GABRG3: variants seen among roughly 807,000 people sequenced by gnomAD.
GABRG3 encodes the protein gamma-aminobutyric acid receptor subunit gamma-3.
GABRG3 carries 25 observed loss-of-function variants against 48.8 expected under a neutral mutation model. The observed-to-expected ratio is 0.51, with a 90% CI of 0.37 to 0.72. The LOEUF (loss-of-function observed/expected upper bound fraction) is 0.72. GABRG3 is among the 30% of genes least tolerant of loss of function. The probability of loss-of-function intolerance (pLI) is 0.00; values close to 1 mark genes in which losing one functional copy is unlikely to be tolerated. For missense variants in GABRG3, 394 were observed against 577.9 expected (o/e 0.68, Z 3.26); for synonymous variants, 227 against 217.6 (o/e 1.04, Z -0.38).
rs185447905 is a variant in GABRG3, at chr15:27,313,300, A to G, written c.271-13509A>G. The stretch of plus-strand genomic sequence containing the variant: ...TATATATATATATATATATATATAT[A>G]TATATATATACCCAACATCAGCACA... On this transcript the variant is annotated intron_variant, in intron 3 of 9. Transcript: ENST00000615808. 3.3e-4 allele frequency among the ~76,000 whole-genome samples: 37 copies of G among 113,774 alleles called. 1 individual carries two copies. Among genetic ancestry groups the G allele is most frequent in the Admixed American group, 2.6e-3 (25 of 9,640 alleles). The allele number at this position is 113,774 out of a possible 152,430, so 74.6% of individuals were successfully genotyped here. A position where few individuals can be genotyped will look rare whatever the true frequency, so the allele number is the denominator to read the frequency against.
intron 5 of GABRG3, among the ~76,000 whole-genome samples, chr15:27,350,635 A>C (rs1894532335): frequency 6.6e-6 from 1 of 152,056 alleles, no homozygotes; most frequent in Non-Finnish European, 1.5e-5. Context: ...CCAGCGCATC[A>C]ACACCACCAG....
intron 3 of GABRG3, among the ~76,000 whole-genome samples, chr15:27,204,085 G>A (rs1053799383): frequency 6.6e-6 from 1 of 151,858 alleles, no homozygotes; most frequent in African/African-American, 2.4e-5. Flanking sequence ...ATTTTTGTCG[G>A]AATTGCTTTT....
rs75652196 is a variant in GABRG3, at chr15:27,064,134, A to G, written c.270+37313A>G. ...AACTGGACACGTAGTGGGGTGGCAG[A>G]GAGTGCAGGGTGGAGGTACAGAGGA... On this transcript the variant is annotated intron_variant, in intron 3 of 9. Transcript: ENST00000615808. 6.8e-3 allele frequency among the ~76,000 whole-genome samples: 1,038 copies of G among 152,338 alleles called. 82 individuals are homozygous for G. In the East Asian group the frequency reaches 0.16, roughly 24 times the overall value.
chr15:27,482,208 T>C (rs187727673), intron 6 of GABRG3, among the ~76,000 whole-genome samples: 1 of 152,238 alleles, frequency 6.6e-6, no homozygotes, highest in Non-Finnish European at 1.5e-5. Context: ...TAAAGTCATA[T>C]TTTTAATAAG....
intron 4 of GABRG3, among the ~76,000 whole-genome samples, chr15:27,327,393 T>A (rs1893651609): frequency 6.6e-6 from 1 of 151,568 alleles, no homozygotes; most frequent in Non-Finnish European, 1.5e-5. Context: ...AGGGGCAGAG[T>A]CAGCCCCTTT....
At chr15:27,077,695 C>T (rs1896931665) in intron 3 of GABRG3, among the ~76,000 whole-genome samples, 1 of 152,162 alleles carries the variant, frequency 6.6e-6, no homozygotes, top group Non-Finnish European at 1.5e-5. Context: ...TCTGAGATGG[C>T]AAGTGATTTG....
chr15:27,460,436 C>T (rs1889414693), intron 5 of GABRG3, among the ~76,000 whole-genome samples: 1 of 152,146 alleles, frequency 6.6e-6, no homozygotes, highest in South Asian at 2.1e-4. Context: ...ATTTGCAGGG[C>T]GCCCCGCAAG....
chr15:26,971,382 CGGCCAGCGCCAGAGTAGAT>C lies in GABRG3; in HGVS notation c.-153_-135del. 2.1e-6 allele frequency: 1 copy of C among 466,930 alleles called. No homozygotes were observed. The highest frequency in any genetic ancestry group is 3.4e-6 in the Non-Finnish European group (1 of 293,524). 28.9% of individuals were successfully genotyped at this position (466,930 alleles called of 1,614,324 possible). On this transcript the variant is annotated 5_prime_UTR_variant, in exon 1 of 10. Coordinates refer to ENST00000615808, the MANE Select transcript of GABRG3 (RefSeq NM_033223.5). ...GTCCAGTGTGCGCCCCGCGGGGGCG[CGGCCAGCGCCAGAGTAGAT>C]ACCTGTCCCGCCCGCCGCGGCCAGC...
At chr15:27,067,836 T>C (rs1001116988) in intron 3 of GABRG3, among the ~76,000 whole-genome samples, 6 of 152,184 alleles carry the variant, frequency 3.9e-5, no homozygotes, top group Admixed American at 3.3e-4. Flanking sequence ...GGTTGGTGTC[T>C]CTTGCTTGCA....
chr15:27,156,093 A>G (rs933496417), intron 3 of GABRG3, among the ~76,000 whole-genome samples: 13 of 152,034 alleles, frequency 8.6e-5, no homozygotes, highest in African/African-American at 2.9e-4. Context: ...AGGTCAAGAG[A>G]TCGAGACCAT....
intron 3 of GABRG3, among the ~76,000 whole-genome samples, chr15:27,209,685 C>T (rs550475730): frequency 2.6e-5 from 4 of 152,288 alleles, no homozygotes; most frequent in African/African-American, 7.2e-5. Flanking sequence ...GCCACCAGAG[C>T]GAGGCCACAG....
At chr15:27,481,112 A>G (rs923639154) in intron 6 of GABRG3, 2 of 1,105,920 alleles carry the variant, frequency 1.8e-6, no homozygotes, top group African/African-American at 3.2e-5. Flanking sequence ...ATTTCCACGT[A>G]CATAAGAAGA....
intron 3 of GABRG3, among the ~76,000 whole-genome samples, chr15:27,166,355 T>C (rs887786): frequency 0.25 from 37,514 of 152,144 alleles, 5,707 homozygotes; most frequent in Non-Finnish European, 0.34. Context: ...TGATTTGCTC[T>C]TTTAAAAAAT....
intron 3 of GABRG3, among the ~76,000 whole-genome samples, chr15:27,205,658 C>G (rs1029769631): frequency 3.3e-5 from 5 of 151,426 alleles, no homozygotes; most frequent in African/African-American, 1.2e-4. Context: ...TCTTTACATA[C>G]CTGGTAGAAT....
chr15:27,235,466 C>T (rs992176189), intron 3 of GABRG3, among the ~76,000 whole-genome samples: 1 of 151,334 alleles, frequency 6.6e-6, no homozygotes, highest in African/African-American at 2.5e-5. Flanking sequence ...CTTATCTTTA[C>T]AAACCGTCGT....
At chr15:27,276,254 G>A (rs1041119572) in intron 3 of GABRG3, among the ~76,000 whole-genome samples, 6 of 152,216 alleles carry the variant, frequency 3.9e-5, no homozygotes, top group African/African-American at 1.4e-4. Flanking sequence ...GATGGATTTG[G>A]GGAACATATT....
At chr15:27,445,124 C>T (rs1296207646) in intron 5 of GABRG3, among the ~76,000 whole-genome samples, 3 of 152,294 alleles carry the variant, frequency 2.0e-5, no homozygotes, top group East Asian at 1.9e-4. Context: ...CCACCCGCCT[C>T]GGCTTCCCAA....
At chr15:27,515,148 C>G (rs1162447245) in intron 6 of GABRG3, among the ~76,000 whole-genome samples, 1 of 151,780 alleles carries the variant, frequency 6.6e-6, no homozygotes, top group Non-Finnish European at 1.5e-5. Flanking sequence ...CAGTGGCATT[C>G]CGAGATAGTT....
chr15:27,475,854 GTGA>G (rs1461587024), intron 5 of GABRG3, among the ~76,000 whole-genome samples: 2 of 152,034 alleles, frequency 1.3e-5, no homozygotes, highest in Non-Finnish European at 2.9e-5. Context: ...GATTGTGATG[GTGA>G]TGATGATGGA....
Sources: allele counts gnomAD v4.1 joint callset (sites outside exome capture counted in the v4.1 genomes callset), GRCh38; gene constraint gnomAD v4.1.1; transcripts MANE v1.5; gene names NCBI Gene and HGNC (gene_info 2026-07-23, HGNC 2026-07-21).